Variants in OR4D1 observed in about 807,000 individuals in gnomAD.
OR4D1 encodes olfactory receptor family 4 subfamily D member 1, also known as olfactory receptor 4D1.
In OR4D1, 10 loss-of-function variants were observed where a neutral mutation model predicts 14.2. The ratio of observed to expected loss-of-function variants is 0.71; its 90% CI spans 0.44 to 1.20. The LOEUF is 1.20. OR4D1 is among the 50% of genes most tolerant of loss of function. The pLI is 0.00. For synonymous variants in OR4D1, 141 were observed against 147.4 expected (o/e 0.96, Z 0.32); for missense variants, 345 against 376.6 (o/e 0.92, Z 0.70).
chr17:58,157,157 G>A lies in OR4D1; in HGVS notation c.*1071G>A. ...TGCCCTACAGTGTGGATGCGCTCGT[G>A]TCGGACAAGAAGCCGCCCAAGGAGG... On this transcript the variant is annotated 3_prime_UTR_variant, in exon 4 of 4. Transcript: ENST00000268912. 1 of 1,461,864 alleles carries A rather than the reference G, an allele frequency of 6.8e-7. No individual in the cohort carries two copies. The highest frequency in any genetic ancestry group is 9.1e-7 in the Non-Finnish European group (1 of 1,102,776). The allele number at this position is 1,461,864 out of a possible 1,614,324, so 90.6% of individuals were successfully genotyped here.
chr17:58,157,105 A>AGGAGCGCCGCGTC lies in OR4D1; in HGVS notation c.*1020_*1032dup, dbSNP rs1201458151. The AGGAGCGCCGCGTC allele has an allele frequency of 6.8e-7, 1 of 1,466,578 alleles. No homozygotes were observed. The highest frequency in any genetic ancestry group is 2.2e-5 in the Admixed American group (1 of 44,820). The allele number at this position is 1,466,578 out of a possible 1,614,324, so 90.8% of individuals were successfully genotyped here. On this transcript the variant is annotated 3_prime_UTR_variant, in exon 4 of 4. Coordinates refer to ENST00000268912, the MANE Select transcript of OR4D1 (RefSeq NM_001386095.1). The stretch of plus-strand genomic sequence containing the variant: ...CCTGGGGACGCCGAGGCGGCCGCGG[A>AGGAGCGCCGCGTC]GGAGCGCCGCGTCAAGGTCTCCAGC...
Position 58,157,926 on chromosome 17 carries a change from C to A in OR4D1, c.*1840C>A. ...CAAACCCTGAGTGCACCACCCTAAG[C>A]GGCTAGGCCGGCAGGGCCACACGAC... On this transcript the variant is annotated 3_prime_UTR_variant, in exon 4 of 4. Transcript: ENST00000268912. 2 of 923,072 alleles carry A rather than the reference C, an allele frequency of 2.2e-6. No homozygotes were observed. Among genetic ancestry groups the A allele is most frequent in the Non-Finnish European group, 3.4e-6 (2 of 586,216 alleles). 57.2% of individuals were successfully genotyped at this position (923,072 alleles called of 1,614,324 possible). A position where few individuals can be genotyped will look rare whatever the true frequency, so the allele number is the denominator to read the frequency against.
Position 58,157,301 on chromosome 17 carries a change from C to T in OR4D1, c.*1215C>T. On this transcript the variant is annotated 3_prime_UTR_variant, in exon 4 of 4. Transcript: ENST00000268912. ...GGCCGCTGATCAAGCCCTTCGAGAC[C>T]GCCTCGGTCAAGTGGGAAAACTCCC... The T allele has an allele frequency of 6.6e-7, 1 of 1,506,948 alleles. No homozygotes were observed. The highest frequency in any genetic ancestry group is 8.9e-7 in the Non-Finnish European group (1 of 1,124,862). The allele number at this position is 1,506,948 out of a possible 1,614,324, so 93.3% of individuals were successfully genotyped here.
chr17:58,151,499 A>T (rs1315795062), intron 2 of OR4D1, among the ~76,000 whole-genome samples: 2 of 152,140 alleles, frequency 1.3e-5, no homozygotes, highest in Non-Finnish European at 2.9e-5. Context: ...TCCCACTTGT[A>T]AGTGAGAACA....
chr17:58,155,540 C>T lies in OR4D1; in HGVS notation c.387C>T (p.Pro129=). 6.2e-7 allele frequency: 1 copy of T among 1,614,166 alleles called. No homozygotes were observed. Among genetic ancestry groups the T allele is most frequent in the Non-Finnish European group, 8.5e-7 (1 of 1,180,020 alleles). Residue 129 remains proline (P), a synonymous_variant, in exon 4 of 4, where the codon CCC becomes CCT. Coordinates refer to ENST00000268912, the MANE Select transcript of OR4D1 (RefSeq NM_001386095.1). ...AYDRYIAISQ[P]LRYVTIMNTQ... is the part of the protein sequence containing the mutation. The stretch of plus-strand genomic sequence containing the variant: ...ACCGCTACATAGCCATCTCCCAGCC[C>T]CTCCGGTATGTCACCATCATGAACA...
In OR4D1 at chr17:58,158,445, G is replaced by GCCCCCCCC. The variant is rs1200801788; in HGVS notation, c.*2362_*2363insCCCCCCCC. ...CATATTTGTTCCTATCTCTCCCCAC[G>GCCCCCCCC]CCCACCCCCCCCCCACACACACATT... is the stretch of plus-strand genomic sequence containing the variant. On this transcript the variant is annotated 3_prime_UTR_variant, in exon 4 of 4. Transcript: ENST00000268912. The GCCCCCCCC allele has an allele frequency of 1.2e-4, 8 of 67,830 alleles. No homozygotes were observed. The highest frequency in any genetic ancestry group is 6.3e-4 in the South Asian group (1 of 1,600). The allele number at this position is 67,830 out of a possible 1,614,324, so 4.2% of individuals were successfully genotyped here.
intron 2 of OR4D1, among the ~76,000 whole-genome samples, chr17:58,153,025 C>T (rs1967722357): frequency 6.6e-6 from 1 of 152,170 alleles, no homozygotes; most frequent in Non-Finnish European, 1.5e-5. Flanking sequence ...TTTCAGGAAT[C>T]AGTAATCAGG....
rs534178079 is a variant in OR4D1, at chr17:58,158,368, C to T, written c.*2282C>T. On this transcript the variant is annotated 3_prime_UTR_variant, in exon 4 of 4. Transcript: ENST00000268912. ...GAGGTTTTTCAAAGTGAAGGGGACA[C>T]ATCACATTTCTGCATTTTACTTGCA... The T allele has an allele frequency of 2.4e-4, 36 of 152,068 alleles. No individual in the cohort carries two copies. The highest frequency in any genetic ancestry group is 7.2e-4 in the Admixed American group (11 of 15,274). The allele number at this position is 152,068 out of a possible 1,614,324, so 9.4% of individuals were successfully genotyped here.
rs1332192889 is a variant in OR4D1, at chr17:58,157,486, C to T, written c.*1400C>T. The T allele has an allele frequency of 2.6e-6, 3 of 1,158,638 alleles. No homozygotes were observed. In the African/African-American group the frequency reaches 4.5e-5, roughly 17 times the overall value. The allele number at this position is 1,158,638 out of a possible 1,614,324, so 71.8% of individuals were successfully genotyped here. A position where few individuals can be genotyped will look rare whatever the true frequency, so the allele number is the denominator to read the frequency against. ...TCCTCGCTCTGGAGGGCAAGTTGCT[C>T]CAGAAACAGTACCTCTCCATTGCAG... is the stretch of plus-strand genomic sequence containing the variant. On this transcript the variant is annotated 3_prime_UTR_variant, in exon 4 of 4. Coordinates refer to ENST00000268912, the MANE Select transcript of OR4D1 (RefSeq NM_001386095.1).
At position 58,156,041 on chromosome 17, in the gene OR4D1, A is replaced by C; in HGVS notation, c.888A>C (p.Ala296=). 1 of 1,613,618 alleles carries C rather than the reference A, an allele frequency of 6.2e-7. No homozygotes were observed. Among genetic ancestry groups the C allele is most frequent in the East Asian group, 2.2e-5 (1 of 44,886 alleles). ...CCCTGAGAAACCAGGACATGAAAGC[A>C]GCCATGAGGAGATTAGGCAAGTGCC... The part of the protein sequence containing the change: ...IYTLRNQDMK[A]AMRRLGKCLV... Residue 296 remains alanine (A), a synonymous_variant, in exon 4 of 4, where the codon GCA becomes GCC. Coordinates refer to ENST00000268912, the MANE Select transcript of OR4D1 (RefSeq NM_001386095.1).
chr17:58,155,793 C>T lies in OR4D1; in HGVS notation c.640C>T (p.Leu214Phe). 1 of 1,614,198 alleles carries T rather than the reference C, an allele frequency of 6.2e-7. No homozygotes were observed. Among genetic ancestry groups the T allele is most frequent in the Non-Finnish European group, 8.5e-7 (1 of 1,180,016 alleles). Residue 214 changes from leucine to phenylalanine, a missense_variant, in exon 4 of 4, where the codon CTT becomes TTT. Physicochemically the swap from Leu to Phe is conservative, Grantham distance 22 (BLOSUM62 0). Transcript: ENST00000268912. ...GCTAGTTATCATCTGGTTCCTCCTC[C>T]TTCTGATCTCTTATACTGTCATCCT... ...GLLVIIWFLLLLISYTVILVM... is the reference protein window; with the variant it reads ...GLLVIIWFLLFLISYTVILVM...
Position 58,155,189 on chromosome 17 carries a change from T to C in OR4D1, c.36T>C (p.Phe12=). 1 of 1,614,178 alleles carries C rather than the reference T, an allele frequency of 6.2e-7. No individual in the cohort carries two copies. Among genetic ancestry groups the C allele is most frequent in the Non-Finnish European group, 8.5e-7 (1 of 1,180,012 alleles). The change falls in exon 4 of 4, where the codon TTT becomes TTC. Residue 12 remains phenylalanine (F), a synonymous_variant. Transcript: ENST00000268912. ...AGAACACCACACAGGTATCAATGTT[T>C]GTCCTCTTAGGGTTTTCACAGACCC... ...EPQNTTQVSM[F]VLLGFSQTQE...
At position 58,159,301 on chromosome 17, in the gene OR4D1, T is replaced by C. The variant is rs1283194974; in HGVS notation, c.*3215T>C. The C allele has an allele frequency of 1.3e-5, 2 of 152,252 alleles. No individual in the cohort carries two copies. The highest frequency in any genetic ancestry group is 2.9e-5 in the Non-Finnish European group (2 of 68,038). The allele number at this position is 152,252 out of a possible 1,614,324, so 9.4% of individuals were successfully genotyped here. On this transcript the variant is annotated 3_prime_UTR_variant, in exon 4 of 4. Coordinates refer to ENST00000268912, the MANE Select transcript of OR4D1 (RefSeq NM_001386095.1). ...AATTTAATGTTCAGTGTGATGGTGT[T>C]AAGAGGCGAAGCCTTTAAGAGGTGA...
In OR4D1 at chr17:58,157,263, G is replaced by A; in HGVS notation, c.*1177G>A. The A allele has an allele frequency of 6.8e-7, 1 of 1,473,356 alleles. No homozygotes were observed. The highest frequency in any genetic ancestry group is 9.0e-7 in the Non-Finnish European group (1 of 1,114,944). 91.3% of individuals were successfully genotyped at this position (1,473,356 alleles called of 1,614,324 possible). ...GCTGCCGGGGCACGGCGCTCGGGAA[G>A]CGCACAGCCCCGGGCCGCTGATCAA... On this transcript the variant is annotated 3_prime_UTR_variant, in exon 4 of 4. Transcript: ENST00000268912.
intron 2 of OR4D1, among the ~76,000 whole-genome samples, chr17:58,152,389 C>T (rs891052130): frequency 1.3e-5 from 2 of 152,200 alleles, no homozygotes; most frequent in Non-Finnish European, 2.9e-5. Flanking sequence ...AATACAAAGA[C>T]ATCAGGATCA....
chr17:58,155,324 A>G lies in OR4D1; in HGVS notation c.171A>G (p.Thr57=), dbSNP rs751752215. Residue 57 remains threonine, a synonymous_variant, in exon 4 of 4, where the codon ACA becomes ACG. Coordinates refer to ENST00000268912, the MANE Select transcript of OR4D1 (RefSeq NM_001386095.1). ...TGACTTTTGACTGCCGGCTCCACAC[A>G]CCCATGTATTTTCTGCTCCGAAATC... ...VTVTFDCRLH[T]PMYFLLRNLA... 14 of 1,613,478 alleles carry G rather than the reference A, an allele frequency of 8.7e-6. No homozygotes were observed. Among genetic ancestry groups the G allele is most frequent in the Non-Finnish European group, 1.1e-5 (13 of 1,179,992 alleles).
In OR4D1 at chr17:58,156,951, A is replaced by G. The variant is rs1421372509; in HGVS notation, c.*865A>G. ...CGCCCTCCCTCCTCCCCCACAAAAA[A>G]AGTTTGAGTCGCCGCTGCGGGTTGC... On this transcript the variant is annotated 3_prime_UTR_variant, in exon 4 of 4. Transcript: ENST00000268912. The G allele has an allele frequency of 6.0e-6, 4 of 670,522 alleles. No individual in the cohort carries two copies. Among genetic ancestry groups the G allele is most frequent in the East Asian group, 2.8e-5 (1 of 35,916 alleles). 41.5% of individuals were successfully genotyped at this position (670,522 alleles called of 1,614,324 possible).
chr17:58,158,549 G>A lies in OR4D1; in HGVS notation c.*2463G>A, dbSNP rs185984568. 1 of 147,924 alleles carries A rather than the reference G, an allele frequency of 6.8e-6. No individual in the cohort carries two copies. Among genetic ancestry groups the A allele is most frequent in the African/African-American group, 2.5e-5 (1 of 39,880 alleles). 9.2% of individuals were successfully genotyped at this position (147,924 alleles called of 1,614,324 possible). A position where few individuals can be genotyped will look rare whatever the true frequency, so the allele number is the denominator to read the frequency against. The stretch of plus-strand genomic sequence containing the variant: ...ATGAGAAGAATCCTGAGAATGCCTG[G>A]AGGTGAGGTAGAAAATTAGAAATAC... On this transcript the variant is annotated 3_prime_UTR_variant, in exon 4 of 4. Coordinates refer to ENST00000268912, the MANE Select transcript of OR4D1 (RefSeq NM_001386095.1).
intron 2 of OR4D1, among the ~76,000 whole-genome samples, chr17:58,151,919 T>C (rs529205369): frequency 4.7e-4 from 72 of 152,342 alleles, no homozygotes; most frequent in African/African-American, 1.7e-3. Context: ...TCAGGGAGTA[T>C]AAATAATTTA....
Sources: allele counts gnomAD v4.1 joint callset (sites outside exome capture counted in the v4.1 genomes callset), GRCh38; gene constraint gnomAD v4.1.1; transcripts MANE v1.5; gene names NCBI Gene and HGNC (gene_info 2026-07-23, HGNC 2026-07-21).